Variants in SLC24A2 observed in about 807,000 individuals in gnomAD.
The protein encoded by SLC24A2 is sodium/potassium/calcium exchanger 2.
Under a neutral mutation model 62.0 loss-of-function variants are expected in SLC24A2, and 36 were observed. That is an observed-to-expected ratio of 0.58 (90% CI 0.44 to 0.77). SLC24A2 has a LOEUF of 0.77. SLC24A2 is among the 30% of genes least tolerant of loss of function. The pLI, the probability that SLC24A2 is intolerant of heterozygous loss-of-function variation, is 0.00. For synonymous variants in SLC24A2, 358 were observed against 294.0 expected, an observed-to-expected ratio of 1.22 and a Z score of -2.23; for missense variants, 846 against 817.9, an observed-to-expected ratio of 1.03 and a Z score of -0.42.
the SLC24A2 span, among the ~76,000 whole-genome samples, chr9:20,178,805 C>T: frequency 2.0e-5 from 3 of 152,138 alleles, no homozygotes; most frequent in African/African-American, 7.2e-5. Context: ...GTACAACTTG[C>T]TTCTCCAACA....
the SLC24A2 span, among the ~76,000 whole-genome samples, chr9:20,193,307 T>A: frequency 1.3e-5 from 2 of 152,150 alleles, no homozygotes; most frequent in African/African-American, 4.8e-5. Flanking sequence ...TATTATTTAT[T>A]AGTCAGTGAA....
the SLC24A2 span, among the ~76,000 whole-genome samples, chr9:20,244,674 T>C: frequency 1.3e-5 from 2 of 152,342 alleles, no homozygotes; most frequent in East Asian, 3.9e-4. Flanking sequence ...CTCCTCACCA[T>C]CTTTATGCAT....
the SLC24A2 span, among the ~76,000 whole-genome samples, chr9:20,036,795 G>A: frequency 6.6e-6 from 1 of 151,720 alleles, no homozygotes; most frequent in Non-Finnish European, 1.5e-5. Flanking sequence ...TATATCAAAT[G>A]GTGTAGTATT....
chr9:19,694,666 A>G (rs1428198145), intron 2 of SLC24A2, among the ~76,000 whole-genome samples: 1 of 152,194 alleles, frequency 6.6e-6, no homozygotes, highest in Non-Finnish European at 1.5e-5. Flanking sequence ...AATTTATCAT[A>G]AAGAGTTCAG....
At chr9:19,952,366 C>T in the SLC24A2 span, among the ~76,000 whole-genome samples, 1 of 152,014 alleles carries the variant, frequency 6.6e-6, no homozygotes, top group African/African-American at 2.4e-5. Context: ...AGTGGATATC[C>T]TTCAATTTTT....
At chr9:20,161,210 G>T in the SLC24A2 span, among the ~76,000 whole-genome samples, 1 of 151,446 alleles carries the variant, frequency 6.6e-6, no homozygotes, top group South Asian at 2.1e-4. Flanking sequence ...GGCTTTAAAT[G>T]ACAAATTTCT....
At chr9:19,784,751 T>C (rs545334301) in intron 2 of SLC24A2, among the ~76,000 whole-genome samples, 5 of 152,298 alleles carry the variant, frequency 3.3e-5, no homozygotes, top group South Asian at 2.1e-4. Flanking sequence ...GGTTTTACTA[T>C]AGTTTCTAAC....
chr9:19,834,565 T>C, the SLC24A2 span, among the ~76,000 whole-genome samples: 3 of 152,064 alleles, frequency 2.0e-5, no homozygotes, highest in Non-Finnish European at 4.4e-5. Flanking sequence ...CCAAGAAATA[T>C]GGGACTATGT....
At chr9:20,294,055 T>C in the SLC24A2 span, among the ~76,000 whole-genome samples, 5 of 152,106 alleles carry the variant, frequency 3.3e-5, no homozygotes. Flanking sequence ...TGACCTCCAC[T>C]GCGCCATCTT....
the SLC24A2 span, among the ~76,000 whole-genome samples, chr9:20,155,709 C>T: frequency 2.0e-5 from 3 of 151,706 alleles, no homozygotes; most frequent in Admixed American, 2.0e-4. Flanking sequence ...ATTGAAGCAG[C>T]TTCTATTAAC....
chr9:20,045,108 A>G, the SLC24A2 span, among the ~76,000 whole-genome samples: 1 of 152,210 alleles, frequency 6.6e-6, no homozygotes, highest in Non-Finnish European at 1.5e-5. Flanking sequence ...ACATTTCTAT[A>G]CATGGATCGT....
At chr9:19,529,755 T>G (rs1046077379) in intron 8 of SLC24A2, among the ~76,000 whole-genome samples, 2 of 151,342 alleles carry the variant, frequency 1.3e-5, no homozygotes, top group African/African-American at 2.4e-5. Context: ...ACCTTCGTTT[T>G]TTTTTTTTTT....
intron 2 of SLC24A2, among the ~76,000 whole-genome samples, chr9:19,706,263 T>C (rs111527648): frequency 6.6e-6 from 1 of 151,986 alleles, no homozygotes; most frequent in Admixed American, 6.6e-5. Context: ...AACCCCTGCC[T>C]TTTTTTGTTT....
At chr9:20,135,505 C>G in the SLC24A2 span, among the ~76,000 whole-genome samples, 1 of 152,110 alleles carries the variant, frequency 6.6e-6, no homozygotes, top group African/African-American at 2.4e-5. Flanking sequence ...GAGCACTTAG[C>G]TATCTGCAAT....
At chr9:20,248,675 GGCCACATTCAGTCTACA>G in the SLC24A2 span, among the ~76,000 whole-genome samples, 2 of 152,016 alleles carry the variant, frequency 1.3e-5, no homozygotes, top group African/African-American at 4.8e-5. Context: ...GAATTTGGGG[GGCCACATTCAGTCTACA>G]CCGAGCATTT....
At chr9:19,803,733 C>T in the SLC24A2 span, among the ~76,000 whole-genome samples, 1 of 152,054 alleles carries the variant, frequency 6.6e-6, no homozygotes, top group African/African-American at 2.4e-5. Context: ...AATATTTGCA[C>T]CTCAGTTGTC....
At chr9:20,076,880 T>TATATATATATAC in the SLC24A2 span, among the ~76,000 whole-genome samples, 1 of 120,550 alleles carries the variant, frequency 8.3e-6, no homozygotes, top group African/African-American at 3.2e-5. Context: ...TATATATATA[T>TATATATATATAC]ACATATCATA....
In SLC24A2 at chr9:19,718,497, A is replaced by G. The variant is rs373488015; in HGVS notation, c.930+67440T>C. Among the ~76,000 whole-genome samples the G allele has an allele frequency of 4.6e-3, 644 of 140,876 alleles. 4 individuals carry two copies. The highest frequency in any genetic ancestry group is 0.016 in the African/African-American group (601 of 37,618). 92.4% of individuals were successfully genotyped at this position (140,876 alleles called of 152,430 possible). A position where few individuals can be genotyped will look rare whatever the true frequency, so the allele number is the denominator to read the frequency against. On this transcript the variant is annotated intron_variant, in intron 2 of 10. Transcript: ENST00000341998. Reference sequence around the variant, plus strand: ...TTTTTTTTTTTGTAATTTTTGTAGAAACAGGGTTTCACCATGTTGCCCAGG... The same window carrying G: ...TTTTTTTTTTTGTAATTTTTGTAGAGACAGGGTTTCACCATGTTGCCCAGG...
the SLC24A2 span, among the ~76,000 whole-genome samples, chr9:20,248,878 T>C: frequency 2.6e-5 from 4 of 152,172 alleles, no homozygotes; most frequent in Non-Finnish European, 5.9e-5. Context: ...TAAGAGAGTC[T>C]CTAAATAGTT....
Sources: allele counts gnomAD v4.1 joint callset (sites outside exome capture counted in the v4.1 genomes callset), GRCh38; gene constraint gnomAD v4.1.1; transcripts MANE v1.5; gene names NCBI Gene and HGNC (gene_info 2026-07-23, HGNC 2026-07-21).